Variants in KANK4 observed in about 807,000 individuals in gnomAD.
KANK4 encodes KN motif and ankyrin repeat domains 4, also known as KN motif and ankyrin repeat domain-containing protein 4.
In KANK4, 50 loss-of-function variants were observed where a neutral mutation model predicts 80.8. The observed-to-expected ratio is 0.62, with a 90% CI of 0.49 to 0.78. The LOEUF is 0.78. Among genes scored for constraint, KANK4 ranks in the 30% least tolerant of loss-of-function variants. The probability of loss-of-function intolerance (pLI) is 0.00; values close to 1 mark genes in which losing one functional copy is unlikely to be tolerated. For missense variants in KANK4, 1,196 were observed against 1,240.1 expected (o/e 0.96, Z 0.53); for synonymous variants, 465 against 506.9 (o/e 0.92, Z 1.11).
rs1249773440 is a variant in KANK4, at chr1:62,239,142, C to T, written c.2884-761G>A. Among the ~76,000 whole-genome samples, 4 of 151,926 alleles carry T rather than the reference C, an allele frequency of 2.6e-5. No homozygotes were observed. The East Asian group carries it at 7.7e-4, about 29-fold the overall frequency. On this transcript the variant is annotated intron_variant, in intron 9 of 9. Coordinates refer to ENST00000371153, the MANE Select transcript of KANK4 (RefSeq NM_181712.5). ...GTCTTGAACTCCTGGGCTCAAGTGGCCCACCCACATTGGCTTTCCAAAGTT... is the reference window on the plus strand; with the variant it reads ...GTCTTGAACTCCTGGGCTCAAGTGGTCCACCCACATTGGCTTTCCAAAGTT...
At chr1:62,276,914 T>G (rs1672328390) in intron 2 of KANK4, among the ~76,000 whole-genome samples, 1 of 152,208 alleles carries the variant, frequency 6.6e-6, no homozygotes, top group Non-Finnish European at 1.5e-5. Flanking sequence ...GGAAAGTGAC[T>G]TATATGACTC....
At chr1:62,242,088 G>T (rs902611696) in intron 9 of KANK4, among the ~76,000 whole-genome samples, 2 of 152,120 alleles carry the variant, frequency 1.3e-5, no homozygotes, top group African/African-American at 4.8e-5. Flanking sequence ...TGGGAGCCAG[G>T]TATGGTGAGC....
intron 1 of KANK4, among the ~76,000 whole-genome samples, chr1:62,284,776 T>G (rs1672526513): frequency 6.6e-6 from 1 of 152,206 alleles, no homozygotes; most frequent in Non-Finnish European, 1.5e-5. Context: ...CTCATCATAT[T>G]CTAGATGTTT....
chr1:62,281,651 T>C lies in KANK4; in HGVS notation c.-70-17A>G. On this transcript the variant is annotated splice_polypyrimidine_tract_variant and intron_variant, in intron 1 of 9. Coordinates refer to ENST00000371153, the MANE Select transcript of KANK4 (RefSeq NM_181712.5). ...TTGAAGGTTCTGAAAGAAAGGAGGA[T>C]ACAGAAGTGGTGAGTCTCATTAGCG... The C allele has an allele frequency of 6.8e-7, 1 of 1,474,776 alleles. No individual in the cohort carries two copies. Among genetic ancestry groups the C allele is most frequent in the Non-Finnish European group, 9.5e-7 (1 of 1,053,212 alleles). The allele number at this position is 1,474,776 out of a possible 1,614,324, so 91.4% of individuals were successfully genotyped here.
intron 6 of KANK4, among the ~76,000 whole-genome samples, chr1:62,265,522 G>T (rs562039609): frequency 1.3e-5 from 2 of 152,334 alleles, no homozygotes; most frequent in African/African-American, 4.8e-5. Context: ...GATTACAGGC[G>T]TGAGACACTG....
At chr1:62,252,269 A>G (rs1481203137) in intron 8 of KANK4, among the ~76,000 whole-genome samples, 2 of 152,202 alleles carry the variant, frequency 1.3e-5, no homozygotes, top group African/African-American at 2.4e-5. Context: ...ATCTCTGGCT[A>G]TTACATTTGT....
chr1:62,271,641 T>C (rs756340962), intron 3 of KANK4, 52 bp from the exon 4 acceptor site: 7 of 1,362,270 alleles, frequency 5.1e-6, no homozygotes, highest in Non-Finnish European at 7.4e-6. Context: ...TGCATGGGAA[T>C]GTAGCAAAAC....
intron 1 of KANK4, among the ~76,000 whole-genome samples, chr1:62,312,026 C>T (rs1644501829): frequency 6.6e-6 from 1 of 152,102 alleles, no homozygotes; most frequent in Non-Finnish European, 1.5e-5. Context: ...ATCCCTTTGG[C>T]AGACTGGTGA....
At chr1:62,315,840 G>T (rs1282138788) in intron 1 of KANK4, among the ~76,000 whole-genome samples, 1 of 152,162 alleles carries the variant, frequency 6.6e-6, no homozygotes, top group East Asian at 1.9e-4. Flanking sequence ...GTTGAACTAG[G>T]AGTAAAAGTT....
intron 4 of KANK4, among the ~76,000 whole-genome samples, chr1:62,270,114 G>A (rs1672124296): frequency 1.3e-5 from 2 of 152,202 alleles, no homozygotes; most frequent in Admixed American, 1.3e-4. Context: ...CCTGACCTCA[G>A]CCTGTTGGAG....
chr1:62,294,196 A>G (rs1313904547), intron 1 of KANK4, among the ~76,000 whole-genome samples: 1 of 152,138 alleles, frequency 6.6e-6, no homozygotes, highest in Non-Finnish European at 1.5e-5. Context: ...ATTCTCTCCC[A>G]CTGCAAAGTA....
intron 6 of KANK4, among the ~76,000 whole-genome samples, chr1:62,264,024 G>C (rs1457298162): frequency 6.6e-6 from 1 of 152,154 alleles, no homozygotes; most frequent in Non-Finnish European, 1.5e-5. Context: ...TACCTAATGG[G>C]GAAGAGAAGC....
At chr1:62,240,968 A>T (rs56908498) in intron 9 of KANK4, among the ~76,000 whole-genome samples, 8,135 of 152,262 alleles carry the variant, frequency 0.053, 466 homozygotes, top group African/African-American at 0.15. Context: ...TGGGAGCTGA[A>T]ACCTGACCTG....
chr1:62,298,300 T>A (rs998676128), intron 1 of KANK4: 23 of 152,250 alleles, frequency 1.5e-4, no homozygotes, highest in African/African-American at 9.6e-5. Flanking sequence ...GTAATTTTTA[T>A]GCACACGATA....
intron 4 of KANK4, among the ~76,000 whole-genome samples, chr1:62,268,817 T>C (rs1210274839): frequency 2.0e-5 from 3 of 152,184 alleles, no homozygotes; most frequent in Non-Finnish European, 4.4e-5. Flanking sequence ...GGCTGATGCG[T>C]TCGGTGATCT....
chr1:62,296,576 G>C lies in KANK4; in HGVS notation c.-70-14942C>G, dbSNP rs559125463. Among the ~76,000 whole-genome samples, 3 of 152,190 alleles carry C rather than the reference G, an allele frequency of 2.0e-5. No individual in the cohort carries two copies. The South Asian group carries it at 6.2e-4, about 32-fold the overall frequency. On this transcript the variant is annotated intron_variant, in intron 1 of 9. Coordinates refer to ENST00000371153, the MANE Select transcript of KANK4 (RefSeq NM_181712.5). ...TTTTTGTTTTTGTTTTTTTGAGACA[G>C]GGTCTCGCTCTGACACCCCGTCTGG...
intron 2 of KANK4, among the ~76,000 whole-genome samples, chr1:62,276,691 C>T (rs760143077): frequency 2.0e-5 from 3 of 150,284 alleles, no homozygotes; most frequent in Non-Finnish European, 4.4e-5. Flanking sequence ...GCGGGAGAAT[C>T]GCTTGAACCC....
At chr1:62,275,218 G>T (rs1203606443) in intron 2 of KANK4, 131 bp from the exon 3 acceptor site, 1 of 678,508 alleles carries the variant, frequency 1.5e-6, no homozygotes, top group Non-Finnish European at 2.4e-6. Context: ...TTCTAGCCTC[G>T]AAATTATGCT....
At chr1:62,315,048 C>T (rs1644528378) in intron 1 of KANK4, among the ~76,000 whole-genome samples, 1 of 152,198 alleles carries the variant, frequency 6.6e-6, no homozygotes, top group African/African-American at 2.4e-5. Context: ...CCTTTTCTCT[C>T]CTTTAATCCT....
Sources: gnomAD v4.1 joint callset for allele counts (sites outside exome capture counted in the v4.1 genomes callset) on GRCh38, gnomAD v4.1.1 for gene constraint, MANE v1.5 for transcripts, NCBI Gene and HGNC (gene_info 2026-07-23, HGNC 2026-07-21) for gene names.